Variants in SPAG17 observed in about 807,000 individuals in gnomAD.
SPAG17 encodes the protein sperm-associated antigen 17.
Under a neutral mutation model 273.6 loss-of-function variants are expected in SPAG17, and 169 were observed. The ratio of observed to expected loss-of-function variants is 0.62; its 90% CI spans 0.55 to 0.70. SPAG17 has a LOEUF of 0.70. Ranked by LOEUF, SPAG17 falls within the 30% of genes least tolerant of loss-of-function variation. SPAG17 has a pLI of 0.00. For missense variants in SPAG17, 2,557 were observed against 2,627.8 expected (o/e 0.97, Z 0.59); for synonymous variants, 825 against 873.2 (o/e 0.94, Z 0.97).
At chr1:118,084,718 C>T (rs1320194788) in intron 13 of SPAG17, among the ~76,000 whole-genome samples, 3 of 152,132 alleles carry the variant, frequency 2.0e-5, no homozygotes, top group African/African-American at 7.2e-5. Flanking sequence ...CAGATTGTAC[C>T]ATCAGACTTC....
chr1:118,140,675 T>C (rs564057715), intron 3 of SPAG17, among the ~76,000 whole-genome samples: 35 of 152,288 alleles, frequency 2.3e-4, no homozygotes, highest in African/African-American at 8.2e-4. Flanking sequence ...GCTCTCCCCA[T>C]TGCCACCTGG....
intron 20 of SPAG17, among the ~76,000 whole-genome samples, chr1:118,044,538 C>A (rs1188581323): frequency 6.6e-6 from 1 of 152,028 alleles, no homozygotes; most frequent in African/African-American, 2.4e-5. Context: ...GATGGACAAT[C>A]AACTTGTTAA....
intron 32 of SPAG17, among the ~76,000 whole-genome samples, chr1:118,002,965 G>A (rs1452692750): frequency 2.0e-5 from 3 of 152,272 alleles, no homozygotes; most frequent in African/African-American, 7.2e-5. Flanking sequence ...GGCTGGTACT[G>A]GTTGTTTCTT....
At chr1:117,963,972 A>G in intron 47 of SPAG17, 34 bp from the exon 48 acceptor site, 1 of 1,589,808 alleles carries the variant, frequency 6.3e-7, no homozygotes, top group Non-Finnish European at 8.6e-7. Context: ...GCTTTTCATG[A>G]CTAAATTATT....
chr1:117,960,545 A>T (rs994228640), intron 48 of SPAG17: 2 of 152,162 alleles, frequency 1.3e-5, no homozygotes, highest in African/African-American at 2.4e-5. Flanking sequence ...TAATGTCATG[A>T]CTTTTCTCTG....
chr1:118,031,040 T>A (rs1369988954), intron 25 of SPAG17, among the ~76,000 whole-genome samples: 2 of 152,176 alleles, frequency 1.3e-5, no homozygotes, highest in African/African-American at 4.8e-5. Context: ...ATGGTTGAAC[T>A]AATGTACACT....
intron 48 of SPAG17, among the ~76,000 whole-genome samples, chr1:117,958,311 A>G (rs1037300395): frequency 6.6e-6 from 1 of 152,208 alleles, no homozygotes; most frequent in African/African-American, 2.4e-5. Context: ...CAACTTGTAA[A>G]GACATAAGTT....
intron 15 of SPAG17, among the ~76,000 whole-genome samples, chr1:118,077,353 T>TCCA (rs1212592047): frequency 1.3e-5 from 2 of 151,906 alleles, no homozygotes; most frequent in African/African-American, 4.8e-5. Context: ...GGCCCTGAGA[T>TCCA]CCACCCTCCA....
intron 3 of SPAG17, among the ~76,000 whole-genome samples, chr1:118,127,173 T>C (rs558473081): frequency 2.1e-3 from 321 of 152,332 alleles, no homozygotes; most frequent in African/African-American, 7.4e-3. Flanking sequence ...TTGGGGTCTT[T>C]TGTGATTCCA....
At chr1:118,092,134 C>T (rs1211918325) in intron 8 of SPAG17, 132 bp from the exon 9 acceptor site, 1 of 743,558 alleles carries the variant, frequency 1.3e-6, no homozygotes. Flanking sequence ...AAATCATCTG[C>T]TAATATTAGA....
chr1:118,153,240 T>C (rs1460276347), intron 1 of SPAG17, among the ~76,000 whole-genome samples: 1 of 152,328 alleles, frequency 6.6e-6, no homozygotes, highest in South Asian at 2.1e-4. Context: ...GAATCTGCCA[T>C]GCGTCAGGCA....
At chr1:118,169,536 A>G (rs1660322582) in intron 1 of SPAG17, among the ~76,000 whole-genome samples, 1 of 152,210 alleles carries the variant, frequency 6.6e-6, no homozygotes, top group Non-Finnish European at 1.5e-5. Flanking sequence ...TTAAGATCAA[A>G]AAGTTGAAAA....
chr1:118,001,748 T>G (rs1215115621), intron 32 of SPAG17, among the ~76,000 whole-genome samples: 1 of 152,220 alleles, frequency 6.6e-6, no homozygotes, highest in Non-Finnish European at 1.5e-5. Context: ...TCTATCAATT[T>G]TGTTGGTCTT....
intron 1 of SPAG17, among the ~76,000 whole-genome samples, chr1:118,173,116 C>T (rs952722533): frequency 6.6e-6 from 1 of 151,814 alleles, no homozygotes; most frequent in South Asian, 2.1e-4. Context: ...GCTCCAGTCC[C>T]TCTTTGCCCA....
chr1:118,048,437 T>G (rs1198368112), intron 20 of SPAG17, among the ~76,000 whole-genome samples: 1 of 152,108 alleles, frequency 6.6e-6, no homozygotes, highest in Non-Finnish European at 1.5e-5. Flanking sequence ...CCAGAAAAGA[T>G]AAATAAAATA....
intron 25 of SPAG17, among the ~76,000 whole-genome samples, chr1:118,029,820 T>A (rs1648214666): frequency 6.6e-6 from 1 of 152,214 alleles, no homozygotes; most frequent in Non-Finnish European, 1.5e-5. Flanking sequence ...TAGTCGTCTA[T>A]TGTTGAACAT....
intron 3 of SPAG17, among the ~76,000 whole-genome samples, chr1:118,134,050 G>A (rs1658205958): frequency 6.6e-6 from 1 of 152,220 alleles, no homozygotes. Context: ...GGAACTATCA[G>A]AAGGACTGTA....
At chr1:118,032,708 C>A (rs1227735109) in intron 24 of SPAG17, among the ~76,000 whole-genome samples, 3 of 152,012 alleles carry the variant, frequency 2.0e-5, no homozygotes, top group African/African-American at 7.3e-5. Flanking sequence ...TCTTGTGCCT[C>A]GGCCTCCTGA....
chr1:117,982,827 T>C (rs1448294243), intron 42 of SPAG17, among the ~76,000 whole-genome samples: 3 of 152,204 alleles, frequency 2.0e-5, no homozygotes, highest in African/African-American at 7.2e-5. Flanking sequence ...TATATCACTT[T>C]AGTCTGTTTT....
Sources: allele counts gnomAD v4.1 joint callset (sites outside exome capture counted in the v4.1 genomes callset), GRCh38; gene constraint gnomAD v4.1.1; transcripts MANE v1.5; gene names NCBI Gene and HGNC (gene_info 2026-07-23, HGNC 2026-07-21).